The following DPP4 variants were observed in gnomAD, a reference collection of about 807,000 sequenced individuals.
DPP4 encodes dipeptidyl peptidase 4.
DPP4 carries 93 observed loss-of-function variants against 122.4 expected under a neutral mutation model. The observed-to-expected ratio is 0.76, with a 90% CI of 0.64 to 0.90. The LOEUF is 0.90. Ranked by LOEUF, DPP4 falls within the 40% of genes least tolerant of loss-of-function variation. The pLI, the probability that DPP4 is intolerant of heterozygous loss-of-function variation, is 0.00. For missense variants in DPP4, 914 were observed against 907.3 expected, an observed-to-expected ratio of 1.01 and a Z score of -0.09; for synonymous variants, 321 against 302.9, an observed-to-expected ratio of 1.06 and a Z score of -0.62.
In DPP4 at chr2:162,008,549, A is replaced by G; in HGVS notation, c.1987+13T>C. On this transcript the variant is annotated intron_variant, in intron 22 of 25. Coordinates refer to ENST00000360534, the MANE Select transcript of DPP4 (RefSeq NM_001935.4). ...CACTCCGTATCTCTTTGTACCTGGC[A>G]GCAATTACATACCATAGTACTCCCA... 6.2e-7 allele frequency: 1 copy of G among 1,609,868 alleles called. No individual in the cohort carries two copies.
intron 2 of DPP4, among the ~76,000 whole-genome samples, chr2:162,062,144 T>G (rs1576073476): frequency 2.0e-5 from 3 of 149,624 alleles, no homozygotes; most frequent in Non-Finnish European, 4.4e-5. Context: ...TAGCTGGGCG[T>G]GGTGGTGCAC....
chr2:162,032,720 A>ACC (rs1553665104), intron 10 of DPP4, among the ~76,000 whole-genome samples: 1 of 149,322 alleles, frequency 6.7e-6, no homozygotes, highest in Non-Finnish European at 1.5e-5. Context: ...AAAAAAAAAA[A>ACC]CAGCAACAAA....
intron 23 of DPP4, among the ~76,000 whole-genome samples, chr2:162,001,890 C>T (rs1701159000): frequency 6.6e-6 from 1 of 152,214 alleles, no homozygotes; most frequent in African/African-American, 2.4e-5. Context: ...CCATTTAGAG[C>T]TTCCGGTATC....
intron 8 of DPP4, among the ~76,000 whole-genome samples, chr2:162,035,803 C>G (rs765213628): frequency 6.6e-6 from 1 of 152,126 alleles, no homozygotes; most frequent in African/African-American, 2.4e-5. Flanking sequence ...GAGTTTACTA[C>G]TCTTGGCACA....
intron 12 of DPP4, chr2:162,021,657 C>G (rs1683133008): frequency 6.6e-6 from 1 of 152,246 alleles, no homozygotes; most frequent in South Asian, 2.1e-4. Context: ...CTTTGAAACA[C>G]ATTCCCCTCT....
chr2:161,993,700 A>G (rs1559701562), intron 25 of DPP4, among the ~76,000 whole-genome samples: 1 of 152,142 alleles, frequency 6.6e-6, no homozygotes, highest in East Asian at 1.9e-4. Flanking sequence ...CACCCAATCC[A>G]TTTCCAAATT....
At chr2:162,019,383 C>T in intron 14 of DPP4, 107 bp from the exon 15 acceptor site, 2 of 702,612 alleles carry the variant, frequency 2.8e-6, no homozygotes, top group Non-Finnish European at 4.6e-6. Context: ...AGCGCGCGCA[C>T]GGGTGCCCGC....
intron 23 of DPP4, among the ~76,000 whole-genome samples, chr2:162,000,360 C>T (rs1407563633): frequency 6.6e-6 from 1 of 152,052 alleles, no homozygotes; most frequent in Non-Finnish European, 1.5e-5. Context: ...ACAACTGTAC[C>T]CATGGGATGC....
rs185308915 is a variant in DPP4, at chr2:162,020,431, G to A, written c.1177-135C>T. On this transcript the variant is annotated intron_variant, in intron 13 of 25. Transcript: ENST00000360534. Reference sequence around the variant, plus strand: ...TTTTCTTGTTGGGTTTCCCCACCTCGTTCCACATGACACAATACACCACTG... The same window carrying A: ...TTTTCTTGTTGGGTTTCCCCACCTCATTCCACATGACACAATACACCACTG... 221 of 999,804 alleles carry A rather than the reference G, an allele frequency of 2.2e-4. 1 individual carries two copies. In the African/African-American group the frequency reaches 3.3e-3, roughly 15 times the overall value. 61.9% of individuals were successfully genotyped at this position (999,804 alleles called of 1,614,324 possible).
intron 23 of DPP4, among the ~76,000 whole-genome samples, chr2:161,998,320 G>GC (rs956677857): frequency 6.6e-6 from 1 of 152,150 alleles, no homozygotes; most frequent in African/African-American, 2.4e-5. Context: ...AGGCTGAGGT[G>GC]CCCCCATGTG....
intron 18 of DPP4, among the ~76,000 whole-genome samples, chr2:162,016,032 TG>T (rs1682909670): frequency 6.6e-6 from 1 of 152,184 alleles, no homozygotes; most frequent in Non-Finnish European, 1.5e-5. Context: ...TGATGTAAAC[TG>T]TTTTTCACGA....
rs193116637 is a variant in DPP4 at position 162,001,557 on chromosome 2, C to T, written c.2052+4188G>A. On this transcript the variant is annotated intron_variant, in intron 23 of 25. Transcript: ENST00000360534. The stretch of plus-strand genomic sequence containing the variant: ...TTCTAACTGACAAAGAATAAACTTC[C>T]GAATGATTAAAACGCCAGGCACCTT... Among the ~76,000 whole-genome samples the T allele has an allele frequency of 2.3e-3, 353 of 152,220 alleles. 1 individual carries two copies. The highest frequency in any genetic ancestry group is 8.0e-3 in the African/African-American group (331 of 41,520).
At position 162,011,946 on chromosome 2, in the gene DPP4, C is replaced by T; in HGVS notation, c.1679G>A (p.Arg560Lys). 6.2e-7 allele frequency: 1 copy of T among 1,613,690 alleles called. No individual in the cohort carries two copies. Among genetic ancestry groups the T allele is most frequent in the Non-Finnish European group, 8.5e-7 (1 of 1,179,692 alleles). ...TGCAAGGTAAGTGGCCCAGTTCAGTCTGAAGACAGTGTCTGCTTTTTGACT... is the reference window on the plus strand; with the variant it reads ...TGCAAGGTAAGTGGCCCAGTTCAGTTTGAAGACAGTGTCTGCTTTTTGACT... ...PCSQKADTVF[R>K]LNWATYLAST... Residue 560 changes from arginine (R) to lysine (K), a missense_variant, in exon 20 of 26, where the codon AGA (arginine) becomes AAA (lysine). Transcript: ENST00000360534.
Position 162,074,023 on chromosome 2 carries a change from C to T in DPP4, c.-42G>A. 6.2e-7 allele frequency: 1 copy of T among 1,605,390 alleles called. No homozygotes were observed. Among genetic ancestry groups the T allele is most frequent in the Non-Finnish European group, 8.5e-7 (1 of 1,176,484 alleles). On this transcript the variant is annotated 5_prime_UTR_variant, in exon 1 of 26. Coordinates refer to ENST00000360534, the MANE Select transcript of DPP4 (RefSeq NM_001935.4). ...GAAGTGAGCGTTCAGAGAAGGAGCG[C>T]AGGCAGAAGTCACCGCGGGCGGCGG...
intron 10 of DPP4, among the ~76,000 whole-genome samples, chr2:162,025,660 GTTTACT>G (rs904182102): frequency 3.3e-5 from 5 of 152,226 alleles, no homozygotes; most frequent in Middle Eastern, 3.4e-3. Context: ...GGAATTCATT[GTTTACT>G]TTTCTGCTGG....
intron 2 of DPP4, among the ~76,000 whole-genome samples, chr2:162,053,414 A>G (rs972133815): frequency 6.6e-6 from 1 of 151,974 alleles, no homozygotes; most frequent in African/African-American, 2.4e-5. Flanking sequence ...CACCAACGAT[A>G]GCTGAATAAC....
intron 4 of DPP4, among the ~76,000 whole-genome samples, chr2:162,045,932 G>C (rs1684157637): frequency 6.6e-6 from 1 of 152,210 alleles, no homozygotes. Flanking sequence ...TGGATGTTTA[G>C]AGACTCTTTA....
chr2:162,040,242 A>G (rs28649469), intron 5 of DPP4, among the ~76,000 whole-genome samples: 1 of 151,878 alleles, frequency 6.6e-6, no homozygotes, highest in East Asian at 1.9e-4. Flanking sequence ...ATGCCCACAC[A>G]AAAATCTACA....
chr2:162,029,857 G>T (rs533209069), intron 10 of DPP4, among the ~76,000 whole-genome samples: 1 of 152,282 alleles, frequency 6.6e-6, no homozygotes, highest in East Asian at 1.9e-4. Flanking sequence ...GGATTTCTAT[G>T]CAAGGTCATT....
Sources: allele counts gnomAD v4.1 joint callset (sites outside exome capture counted in the v4.1 genomes callset), GRCh38; gene constraint gnomAD v4.1.1; transcripts MANE v1.5; gene names NCBI Gene and HGNC (gene_info 2026-07-23, HGNC 2026-07-21).